The following SEZ6L variants were observed in gnomAD, a reference collection of about 807,000 sequenced individuals.
The protein encoded by SEZ6L is seizure 6-like protein.
In SEZ6L, 37 loss-of-function variants were observed where a neutral mutation model predicts 106.2. That is an observed-to-expected ratio of 0.35 (90% CI 0.27 to 0.46). SEZ6L has a LOEUF of 0.46. Ranked by LOEUF, SEZ6L falls within the 20% of genes least tolerant of loss-of-function variation. The pLI, the probability that SEZ6L is intolerant of heterozygous loss-of-function variation, is 1.00. For missense variants in SEZ6L, 1,172 were observed against 1,332.8 expected (o/e 0.88, Z 1.88); for synonymous variants, 541 against 570.4 (o/e 0.95, Z 0.73).
chr22:26,369,503 G>A (rs1259450719), intron 13 of SEZ6L, among the ~76,000 whole-genome samples: 2 of 151,236 alleles, frequency 1.3e-5, no homozygotes, highest in African/African-American at 4.9e-5. Context: ...ACCACACCCG[G>A]CTAATTTTTT....
chr22:26,320,164 C>T (rs903536204), intron 9 of SEZ6L, among the ~76,000 whole-genome samples: 1 of 152,104 alleles, frequency 6.6e-6, no homozygotes, highest in Non-Finnish European at 1.5e-5. Flanking sequence ...CATCATGGAC[C>T]TTAGAATCAG....
chr22:26,250,589 G>A lies in SEZ6L; in HGVS notation c.95-41817G>A, dbSNP rs12158330. Among the ~76,000 whole-genome samples the A allele has an allele frequency of 1.7e-3, 261 of 152,272 alleles. 3 individuals carry two copies. Among genetic ancestry groups the A allele is most frequent in the African/African-American group, 5.4e-3 (226 of 41,548 alleles). On this transcript the variant is annotated intron_variant, in intron 1 of 16. Transcript: ENST00000248933. ...GCTTTGCAGTATATTTTGAAGTCAGGTAGTATGATGCCTCCAGCTTTGTTC... is the reference window on the plus strand; with the variant it reads ...GCTTTGCAGTATATTTTGAAGTCAGATAGTATGATGCCTCCAGCTTTGTTC...
chr22:26,304,362 AAAGAAAGAAGAAAGAAAGAAAG>A (rs1376213000), intron 5 of SEZ6L, among the ~76,000 whole-genome samples: 3,292 of 127,848 alleles, frequency 0.026, 112 homozygotes, highest in Middle Eastern at 0.038. Flanking sequence ...AAAAAAAAAA[AAAGAAAGAAGAAAGAAAGAAAG>A]AAAGAAAGAA....
At chr22:26,362,499 T>C (rs1385374858) in intron 12 of SEZ6L, among the ~76,000 whole-genome samples, 2 of 152,238 alleles carry the variant, frequency 1.3e-5, no homozygotes, top group African/African-American at 2.4e-5. Context: ...GTTTCTCTCT[T>C]CTATGGCACC....
chr22:26,260,953 T>C (rs1163559986), intron 1 of SEZ6L, among the ~76,000 whole-genome samples: 1 of 152,234 alleles, frequency 6.6e-6, no homozygotes, highest in Non-Finnish European at 1.5e-5. Context: ...TATTGCATTG[T>C]GGATTTGATT....
chr22:26,289,734 C>T, intron 1 of SEZ6L, among the ~76,000 whole-genome samples: 1 of 152,174 alleles, frequency 6.6e-6, no homozygotes, highest in Non-Finnish European at 1.5e-5. Context: ...GCCACCGCCG[C>T]CAACTCCATG....
At chr22:26,323,261 C>T (rs961945261) in intron 9 of SEZ6L, among the ~76,000 whole-genome samples, 1 of 152,214 alleles carries the variant, frequency 6.6e-6, no homozygotes, top group African/African-American at 2.4e-5. Context: ...GGTGCCTGCA[C>T]CCACAATGGG....
chr22:26,232,142 A>C (rs2078817329), intron 1 of SEZ6L, among the ~76,000 whole-genome samples: 1 of 152,142 alleles, frequency 6.6e-6, no homozygotes, highest in Non-Finnish European at 1.5e-5. Flanking sequence ...TGAAGGCGTA[A>C]CACAGTTCCT....
chr22:26,187,886 G>A (rs1939894746), intron 1 of SEZ6L, among the ~76,000 whole-genome samples: 2 of 152,136 alleles, frequency 1.3e-5, no homozygotes, highest in African/African-American at 4.8e-5. Flanking sequence ...TCCAGCAAAA[G>A]ACATTTTTAC....
intron 1 of SEZ6L, among the ~76,000 whole-genome samples, chr22:26,275,760 C>A (rs1016460829): frequency 2.0e-5 from 3 of 152,194 alleles, no homozygotes; most frequent in Non-Finnish European, 4.4e-5. Flanking sequence ...CAGTCTAGTC[C>A]TCAGTTGGAG....
At chr22:26,351,517 G>T (rs554853435) in intron 12 of SEZ6L, 233 of 299,408 alleles carry the variant, frequency 7.8e-4, no homozygotes, top group Middle Eastern at 2.9e-3. Context: ...TTGTTTTTTT[G>T]TTTGTTTGTT....
intron 8 of SEZ6L, among the ~76,000 whole-genome samples, 193 bp from the exon 9 acceptor site, chr22:26,313,571 T>TACACACAA (rs1176640478): frequency 2.9e-5 from 3 of 103,802 alleles, no homozygotes; most frequent in African/African-American, 1.3e-4. Context: ...ATTTAATCAT[T>TACACACAA]ACACACACAC....
intron 1 of SEZ6L, among the ~76,000 whole-genome samples, chr22:26,258,701 TA>T (rs2079904085): frequency 6.6e-6 from 1 of 152,232 alleles, no homozygotes; most frequent in African/African-American, 2.4e-5. Flanking sequence ...ATATCATATC[TA>T]TCTAGAAAAT....
rs199913295 is a variant in SEZ6L at position 26,375,604 on chromosome 22, G to A, written c.2857G>A (p.Glu953Lys). Residue 953 changes from glutamate to lysine, a missense_variant, in exon 15 of 17, where the codon GAA (glutamate) becomes AAA (lysine). Physicochemically the swap from Glu to Lys is moderately conservative, Grantham distance 56. This residue lies in a region of SEZ6L where 141 missense variants were observed against 176.0 expected (regional missense o/e 0.80). Transcript: ENST00000248933. ...AGAAGCGGCAGCAGAGACGTCGCTG[G>A]AAGGGGGGAACATGGCCCTGGCTAT... Reference protein sequence around the residue: ...VAEAAAETSLEGGNMALAIFI... With the variant: ...VAEAAAETSLKGGNMALAIFI... 6.2e-7 allele frequency: 1 copy of A among 1,614,146 alleles called. No individual in the cohort carries two copies.
At chr22:26,356,642 AAATAATAATAATAATAATAATAATAAT>A (rs59145201) in intron 12 of SEZ6L, among the ~76,000 whole-genome samples, 2 of 142,798 alleles carry the variant, frequency 1.4e-5, no homozygotes, top group African/African-American at 5.2e-5. Flanking sequence ...ATTCTGTCTC[AAATAATAATAATAATAATAATAATAAT>A]AATAATAATA....
intron 1 of SEZ6L, among the ~76,000 whole-genome samples, chr22:26,279,480 C>T (rs2080686533): frequency 6.6e-6 from 1 of 152,150 alleles, no homozygotes; most frequent in Non-Finnish European, 1.5e-5. Context: ...TTTCCTGTCT[C>T]ACTGCCAATA....
At chr22:26,220,686 A>T (rs921092874) in intron 1 of SEZ6L, among the ~76,000 whole-genome samples, 1 of 152,132 alleles carries the variant, frequency 6.6e-6, no homozygotes, top group African/African-American at 2.4e-5. Flanking sequence ...TCACTGTCAT[A>T]TGGTCCTGCA....
intron 9 of SEZ6L, among the ~76,000 whole-genome samples, chr22:26,321,927 G>A (rs2082166374): frequency 6.6e-6 from 1 of 152,156 alleles, no homozygotes; most frequent in Non-Finnish European, 1.5e-5. Context: ...GCAGTCTGTT[G>A]ATACCGTGGC....
chr22:26,199,672 C>A (rs1454952099), intron 1 of SEZ6L, among the ~76,000 whole-genome samples: 3 of 152,228 alleles, frequency 2.0e-5, no homozygotes, highest in Non-Finnish European at 4.4e-5. Flanking sequence ...GGCAAGGATT[C>A]ATTTCAGACT....
Sources: gnomAD v4.1 joint callset for allele counts (sites outside exome capture counted in the v4.1 genomes callset) on GRCh38, gnomAD v4.1.1 for gene constraint, gnomAD v4.1.1 regional missense constraint, MANE v1.5 for transcripts, NCBI Gene and HGNC (gene_info 2026-07-23, HGNC 2026-07-21) for gene names.